Variants in APOBEC3A observed in about 807,000 individuals in gnomAD.
APOBEC3A encodes the protein DNA dC->dU-editing enzyme APOBEC-3A.
A neutral mutation model predicts 23.0 loss-of-function variants in APOBEC3A; 13 were observed. That is an observed-to-expected ratio of 0.57 (90% CI 0.37 to 0.90). The LOEUF is 0.90. Among genes scored for constraint, APOBEC3A ranks in the 40% least tolerant of loss-of-function variants. APOBEC3A has a pLI of 0.01. For missense variants in APOBEC3A, 179 were observed against 264.9 expected (o/e 0.68, Z 2.25); for synonymous variants, 74 against 101.3 (o/e 0.73, Z 1.62).
At chr22:38,960,198 C>CG (rs1369679638) in intron 2 of APOBEC3A, among the ~76,000 whole-genome samples, 1 of 152,194 alleles carries the variant, frequency 6.6e-6, no homozygotes, top group African/African-American at 2.4e-5. Flanking sequence ...GCCCTGAGCC[C>CG]GGGGGACTTT....
intron 4 of APOBEC3A, 101 bp downstream of exon 4, chr22:38,962,314 C>T (rs1375456410): frequency 7.5e-6 from 12 of 1,595,046 alleles, no homozygotes; most frequent in Non-Finnish European, 9.4e-6. Context: ...CCTCTGGGTT[C>T]CCTGCTCCCC....
chr22:38,962,220 G>C lies in APOBEC3A; in HGVS notation c.585+7G>C. Reference sequence around the variant, plus strand: ...GCTGCGGGCCATTCTCCAGGTGAGGGCTTCCTCCCTCTGCCCGGTGCCCCA... The same window carrying C: ...GCTGCGGGCCATTCTCCAGGTGAGGCCTTCCTCCCTCTGCCCGGTGCCCCA... On this transcript the variant is annotated splice_region_variant and intron_variant, in intron 4 of 4. Coordinates refer to ENST00000249116, the MANE Select transcript of APOBEC3A (RefSeq NM_145699.4). The C allele has an allele frequency of 6.2e-7, 1 of 1,613,596 alleles. No individual in the cohort carries two copies. Among genetic ancestry groups the C allele is most frequent in the South Asian group, 1.1e-5 (1 of 91,070 alleles).
intron 2 of APOBEC3A, among the ~76,000 whole-genome samples, chr22:38,960,647 G>A (rs1922839034): frequency 6.6e-6 from 1 of 152,208 alleles, no homozygotes; most frequent in South Asian, 2.1e-4. Flanking sequence ...TTCCCACGTT[G>A]GAGTGAGTCC....
At chr22:38,960,249 A>G (rs1000213836) in intron 2 of APOBEC3A, among the ~76,000 whole-genome samples, 2 of 152,276 alleles carry the variant, frequency 1.3e-5, no homozygotes, top group African/African-American at 4.8e-5. Context: ...GTCTGGAGAG[A>G]CCAGGTAATG....
rs1033215904 is a variant in APOBEC3A at position 38,957,685 on chromosome 22, C to A, written c.-7C>A. The stretch of plus-strand genomic sequence containing the variant: ...ACACAGACCAGGAACCGAGAAGGGA[C>A]AAGCACATGGAAGCCAGCCCAGCAT... On this transcript the variant is annotated 5_prime_UTR_variant, in exon 1 of 5. Coordinates refer to ENST00000249116, the MANE Select transcript of APOBEC3A (RefSeq NM_145699.4). The A allele has an allele frequency of 6.2e-7, 1 of 1,612,844 alleles. No individual in the cohort carries two copies. Among genetic ancestry groups the A allele is most frequent in the Non-Finnish European group, 8.5e-7 (1 of 1,179,376 alleles).
At chr22:38,960,274 T>C (rs534504055) in intron 2 of APOBEC3A, among the ~76,000 whole-genome samples, 1 of 152,206 alleles carries the variant, frequency 6.6e-6, no homozygotes, top group Non-Finnish European at 1.5e-5. Flanking sequence ...GCTCCGGTGC[T>C]GGAAACTGGG....
intron 2 of APOBEC3A, among the ~76,000 whole-genome samples, chr22:38,960,320 C>T (rs985799457): frequency 1.2e-4 from 18 of 152,070 alleles, no homozygotes; most frequent in Non-Finnish European, 2.1e-4. Flanking sequence ...ATGTGGGCCT[C>T]GCTGGATCCA....
chr22:38,962,262 C>T (rs1318365609), intron 4 of APOBEC3A, 49 bp downstream of exon 4: 1 of 1,613,096 alleles, frequency 6.2e-7, no homozygotes, highest in Non-Finnish European at 8.5e-7. Context: ...TCCCCCTCCT[C>T]CCCACTCCCC....
Position 38,962,759 on chromosome 22 carries a change from C to T in APOBEC3A, c.*250C>T, listed in dbSNP as rs374172223. On this transcript the variant is annotated 3_prime_UTR_variant, in exon 5 of 5. Transcript: ENST00000249116. Reference sequence around the variant, plus strand: ...GGATCACGAGGTCAGGAGATCGAGACCATCCTGGCTAACACGGTGAAACCC... The same window carrying T: ...GGATCACGAGGTCAGGAGATCGAGATCATCCTGGCTAACACGGTGAAACCC... 5.5e-5 allele frequency: 51 copies of T among 931,034 alleles called. No individual in the cohort carries two copies. Among genetic ancestry groups the T allele is most frequent in the Middle Eastern group, 6.3e-4 (2 of 3,160 alleles). The allele number at this position is 931,034 out of a possible 1,614,324, so 57.7% of individuals were successfully genotyped here.
chr22:38,960,020 C>A (rs1922806369), intron 2 of APOBEC3A, among the ~76,000 whole-genome samples: 1 of 152,224 alleles, frequency 6.6e-6, no homozygotes, highest in Non-Finnish European at 1.5e-5. Context: ...TGCCCCAGTG[C>A]CCTCTCCTGG....
At chr22:38,962,260 C>G in intron 4 of APOBEC3A, 47 bp downstream of exon 4, 1 of 1,613,302 alleles carries the variant, frequency 6.2e-7, no homozygotes, top group South Asian at 1.1e-5. Context: ...CCTCCCCCTC[C>G]TCCCCACTCC....
At chr22:38,959,722 C>T (rs1374059227) in intron 2 of APOBEC3A, 36 bp downstream of exon 2, 3 of 1,601,946 alleles carry the variant, frequency 1.9e-6, no homozygotes, top group Non-Finnish European at 2.6e-6. Context: ...GGGCAGGGCC[C>T]TTCCAATCCA....
Position 38,962,818 on chromosome 22 carries a change from C to A in APOBEC3A, c.*309C>A. 1 of 557,798 alleles carries A rather than the reference C, an allele frequency of 1.8e-6. No individual in the cohort carries two copies. Among genetic ancestry groups the A allele is most frequent in the South Asian group, 2.2e-5 (1 of 45,640 alleles). The allele number at this position is 557,798 out of a possible 1,614,324, so 34.6% of individuals were successfully genotyped here. On this transcript the variant is annotated 3_prime_UTR_variant, in exon 5 of 5. Coordinates refer to ENST00000249116, the MANE Select transcript of APOBEC3A (RefSeq NM_145699.4). ...CTAAAAATACAAAAAATTAGCCAGGCGTGGTGGCGGGCGCCTGTAGTCCCA... is the reference window on the plus strand; with the variant it reads ...CTAAAAATACAAAAAATTAGCCAGGAGTGGTGGCGGGCGCCTGTAGTCCCA...
rs1221441910 is a variant in APOBEC3A, at chr22:38,957,611, TGGTGAAGATCTTAA to T, written c.-80_-67del. 1.5e-5 allele frequency: 24 copies of T among 1,556,092 alleles called. No individual in the cohort carries two copies. Among genetic ancestry groups the T allele is most frequent in the Non-Finnish European group, 1.6e-5 (18 of 1,141,726 alleles). ...AGGCTCCTGAATCCTAAGAGAATGT[TGGTGAAGATCTTAA>T]CACCACGCCTTGAGCAAGTCGCAAG... On this transcript the variant is annotated 5_prime_UTR_variant, in exon 1 of 5. Transcript: ENST00000249116.
At chr22:38,957,774 T>G in intron 1 of APOBEC3A, 54 bp downstream of exon 1, 3 of 1,589,278 alleles carry the variant, frequency 1.9e-6, no homozygotes, top group Non-Finnish European at 2.6e-6. Flanking sequence ...TTTGAGCTTT[T>G]CTGATGAGCA....
chr22:38,960,406 G>A (rs192429632), intron 2 of APOBEC3A, among the ~76,000 whole-genome samples: 4 of 152,254 alleles, frequency 2.6e-5, no homozygotes, highest in Non-Finnish European at 5.9e-5. Flanking sequence ...CCCCAGGAAC[G>A]ACCCACAGCC....
Position 38,958,769 on chromosome 22 carries a change from CTCTTTCTT to C in APOBEC3A, c.30-750_30-743del, listed in dbSNP as rs55894125. Among the ~76,000 whole-genome samples, 342 of 109,438 alleles carry C rather than the reference CTCTTTCTT, an allele frequency of 3.1e-3. 6 individuals carry two copies. Among genetic ancestry groups the C allele is most frequent in the East Asian group, 7.1e-3 (28 of 3,948 alleles). 71.8% of individuals were successfully genotyped at this position (109,438 alleles called of 152,430 possible). A position where few individuals can be genotyped will look rare whatever the true frequency, so the allele number is the denominator to read the frequency against. On this transcript the variant is annotated intron_variant, in intron 1 of 4. Transcript: ENST00000249116. ...TTCCTTCCTTCCTCCATCTCTCTTT[CTCTTTCTT>C]TCTTTCTTTCTTTCTTTCTTTCCTT... is the stretch of plus-strand genomic sequence containing the variant.
Position 38,959,687 on chromosome 22 carries a change from G to A in APOBEC3A, c.174+1G>A. 6.2e-7 allele frequency: 1 copy of A among 1,612,674 alleles called. No homozygotes were observed. Among genetic ancestry groups the A allele is most frequent in the Non-Finnish European group, 8.5e-7 (1 of 1,179,234 alleles). ...GCACAGGGGCTTTCTACACAACCAGGTGACCGACCCAGCCATCCGAATCCG... is the reference window on the plus strand; with the variant it reads ...GCACAGGGGCTTTCTACACAACCAGATGACCGACCCAGCCATCCGAATCCG... On this transcript the variant is annotated splice_donor_variant, in intron 2 of 4. Transcript: ENST00000249116. LOFTEE classifies it high-confidence loss of function.
At chr22:38,958,924 C>T (rs1839453589) in intron 1 of APOBEC3A, among the ~76,000 whole-genome samples, 1 of 151,716 alleles carries the variant, frequency 6.6e-6, no homozygotes. Context: ...TGTCAGGATG[C>T]ATAGAGAGGG....
Sources: gnomAD v4.1 joint callset for allele counts (sites outside exome capture counted in the v4.1 genomes callset) on GRCh38, gnomAD v4.1.1 for gene constraint, MANE v1.5 for transcripts, NCBI Gene and HGNC (gene_info 2026-07-23, HGNC 2026-07-21) for gene names.